SLC30A10: variants seen among roughly 807,000 people sequenced by gnomAD.
SLC30A10 encodes the protein solute carrier family 30 member 10.
A neutral mutation model predicts 21.7 loss-of-function variants in SLC30A10; 8 were observed. The ratio of observed to expected loss-of-function variants is 0.37; its 90% confidence interval spans 0.22 to 0.67. The LOEUF (loss-of-function observed/expected upper bound fraction) is 0.67, where lower values mean the gene tolerates loss of function less well. Ranked by LOEUF, SLC30A10 falls within the 30% of genes least tolerant of loss-of-function variation. SLC30A10 has a pLI of 0.58. For synonymous variants in SLC30A10, 272 were observed against 279.4 expected (o/e 0.97, Z 0.26); for missense variants, 521 against 642.5 (o/e 0.81, Z 2.04).
At chr1:219,916,176 G>A (rs1294437856) in intron 3 of SLC30A10, among the ~76,000 whole-genome samples, 1 of 152,068 alleles carries the variant, frequency 6.6e-6, no homozygotes, top group Non-Finnish European at 1.5e-5. Context: ...GTCTAACAAC[G>A]ACAAGAAAAA....
chr1:219,949,222 A>G (rs1213423322), intron 1 of SLC30A10, among the ~76,000 whole-genome samples: 1 of 152,212 alleles, frequency 6.6e-6, no homozygotes, highest in Non-Finnish European at 1.5e-5. Context: ...ATCTAGAACT[A>G]GAAATACCAT....
chr1:219,941,225 A>G (rs1571810127), intron 1 of SLC30A10, among the ~76,000 whole-genome samples: 1 of 152,230 alleles, frequency 6.6e-6, no homozygotes, highest in South Asian at 2.1e-4. Context: ...CTGTGGAAAG[A>G]TAATGTTTGG....
rs1295208371 is a variant in SLC30A10, at chr1:219,922,185, T to G, written c.719-3691A>C. On this transcript the variant is annotated intron_variant, in intron 2 of 3. Coordinates refer to ENST00000366926, the MANE Select transcript of SLC30A10 (RefSeq NM_018713.3). The stretch of plus-strand genomic sequence containing the variant: ...GTGTGTGTGTGTGTGTGTTTTTTTT[T>G]TTTTTTTTTTTTTTTTTTTTTTTTT... Among the ~76,000 whole-genome samples, 75 of 8,916 alleles carry G rather than the reference T, an allele frequency of 8.4e-3. 1 individual carries two copies. Among genetic ancestry groups the G allele is most frequent in the African/African-American group, 0.024 (40 of 1,646 alleles). The allele number at this position is 8,916 out of a possible 152,430, so 5.8% of individuals were successfully genotyped here.
At chr1:219,922,432 G>A (rs926313549) in intron 2 of SLC30A10, among the ~76,000 whole-genome samples, 1 of 151,944 alleles carries the variant, frequency 6.6e-6, no homozygotes, top group Non-Finnish European at 1.5e-5. Flanking sequence ...GGACTCTGGA[G>A]AGGAGACAGA....
intron 2 of SLC30A10, among the ~76,000 whole-genome samples, chr1:219,921,780 A>G (rs186030665): frequency 8.5e-5 from 13 of 152,226 alleles, no homozygotes; most frequent in Admixed American, 6.5e-4. Flanking sequence ...TAATAATGCA[A>G]TGTATCTTCT....
chr1:219,936,503 A>C (rs1329830299), intron 1 of SLC30A10, among the ~76,000 whole-genome samples: 1 of 152,144 alleles, frequency 6.6e-6, no homozygotes, highest in East Asian at 1.9e-4. Flanking sequence ...AGAGGTAGGC[A>C]CGTACACCAA....
At position 219,928,001 on chromosome 1, in the gene SLC30A10, C is replaced by T; in HGVS notation, c.440G>A (p.Gly147Glu). ...CAAWFACCLR[G>E]RSRRLQQRQQ... ...CCGCTGCTGCAGGCGGCGACTGCGT[C>T]CCCGGAGGCAGCACGCGAACCAGGC... Residue 147 changes from glycine to glutamate, a missense_variant, in exon 1 of 4, where the codon GGA becomes GAA. Coordinates refer to ENST00000366926, the MANE Select transcript of SLC30A10 (RefSeq NM_018713.3). The surrounding 1 kb of genome is among the most constrained non-coding windows in gnomAD (Gnocchi z 6.3). The T allele has an allele frequency of 1.9e-6, 3 of 1,559,720 alleles. No homozygotes were observed. The highest frequency in any genetic ancestry group is 2.4e-5 in the East Asian group (1 of 41,010).
intron 1 of SLC30A10, among the ~76,000 whole-genome samples, chr1:219,942,341 A>G (rs1660133659): frequency 6.6e-6 from 1 of 152,222 alleles, no homozygotes; most frequent in Non-Finnish European, 1.5e-5. Flanking sequence ...ACTGAGATCG[A>G]TGCGAGATGG....
chr1:219,929,222 C>G (rs1659927066), upstream of SLC30A10, among the ~76,000 whole-genome samples: 1 of 152,228 alleles, frequency 6.6e-6, no homozygotes, highest in African/African-American at 2.4e-5. Flanking sequence ...AGATCGTCCC[C>G]GTTCCCCTTC....
At chr1:219,940,204 A>G (rs972357481) in intron 1 of SLC30A10, among the ~76,000 whole-genome samples, 1 of 152,164 alleles carries the variant, frequency 6.6e-6, no homozygotes, top group Non-Finnish European at 1.5e-5. Flanking sequence ...ACCACACCCA[A>G]TGTCCTGAGA....
upstream of SLC30A10, among the ~76,000 whole-genome samples, chr1:219,929,998 T>C (rs1472837830): frequency 1.3e-5 from 2 of 152,218 alleles, no homozygotes; most frequent in African/African-American, 2.4e-5. Flanking sequence ...TGTTGGTTTC[T>C]TTTGTTGTCT....
At chr1:219,946,426 C>T (rs1321769178) in intron 1 of SLC30A10, among the ~76,000 whole-genome samples, 1 of 152,162 alleles carries the variant, frequency 6.6e-6, no homozygotes, top group Non-Finnish European at 1.5e-5. Context: ...ATAAACTGTT[C>T]ATCTAGTCCT....
intron 2 of SLC30A10, among the ~76,000 whole-genome samples, chr1:219,925,951 G>A (rs1262654514): frequency 4.6e-5 from 7 of 151,640 alleles, no homozygotes; most frequent in East Asian, 3.9e-4. Context: ...GTGAGCCACC[G>A]CGCCCACCCC....
intron 1 of SLC30A10, among the ~76,000 whole-genome samples, chr1:219,936,178 A>G (rs1254693274): frequency 6.6e-6 from 1 of 152,234 alleles, no homozygotes; most frequent in African/African-American, 2.4e-5. Flanking sequence ...TGGACCAGTT[A>G]CAGAATTTCT....
chr1:219,917,060 T>C (rs866712534), intron 3 of SLC30A10, among the ~76,000 whole-genome samples: 1 of 147,666 alleles, frequency 6.8e-6, no homozygotes, highest in Middle Eastern at 3.5e-3. Flanking sequence ...AGCCTCAAAC[T>C]CCAGGGCTCC....
intron 2 of SLC30A10, among the ~76,000 whole-genome samples, chr1:219,926,347 A>T (rs1238038229): frequency 6.6e-6 from 1 of 152,230 alleles, no homozygotes; most frequent in Non-Finnish European, 1.5e-5. Flanking sequence ...ATTGGGGATT[A>T]ACCCCTTCTG....
chr1:219,928,510 G>C lies in SLC30A10; in HGVS notation c.-70C>G, dbSNP rs886046005. ...GCCCACCCCGCGCGCAGCCACAGGT[G>C]GGGGGCGCGGCGCGGATCCGTGAGG... On this transcript the variant is annotated 5_prime_UTR_variant, in exon 1 of 4. Transcript: ENST00000366926. The surrounding 1 kb of genome is among the most constrained non-coding windows in gnomAD (Gnocchi z 6.3). The C allele has an allele frequency of 2.6e-5, 36 of 1,381,278 alleles. No individual in the cohort carries two copies. Among genetic ancestry groups the C allele is most frequent in the African/African-American group, 1.1e-4 (7 of 65,100 alleles). The allele number at this position is 1,381,278 out of a possible 1,614,324, so 85.6% of individuals were successfully genotyped here. A position where few individuals can be genotyped will look rare whatever the true frequency, so the allele number is the denominator to read the frequency against.
In SLC30A10 at chr1:219,953,716, T is replaced by G. The variant is rs574043639; in HGVS notation, n.80+4852A>C. Among the ~76,000 whole-genome samples, 3 of 133,618 alleles carry G rather than the reference T, an allele frequency of 2.2e-5. No homozygotes were observed. In the East Asian group the frequency reaches 6.8e-4, roughly 30 times the overall value. The allele number at this position is 133,618 out of a possible 152,430, so 87.7% of individuals were successfully genotyped here. A position where few individuals can be genotyped will look rare whatever the true frequency, so the allele number is the denominator to read the frequency against. On this transcript the variant is annotated intron_variant and non_coding_transcript_variant, in intron 1 of 8. Transcript: ENST00000484239. ...TTTATTTTATTTTATTTTATTTTATTTTATTTTTGAGACTGAGTCTTGCTC... is the reference window on the plus strand; with the variant it reads ...TTTATTTTATTTTATTTTATTTTATGTTATTTTTGAGACTGAGTCTTGCTC...
At chr1:219,936,254 A>G (rs1391564) in intron 1 of SLC30A10, among the ~76,000 whole-genome samples, 9,121 of 152,276 alleles carry the variant, frequency 0.06, 911 homozygotes, top group African/African-American at 0.21. Flanking sequence ...TATCTAGTTG[A>G]TTTGAATATC....
Sources: allele counts gnomAD v4.1 joint callset (sites outside exome capture counted in the v4.1 genomes callset), GRCh38; gene constraint gnomAD v4.1.1; non-coding constraint Gnocchi (gnomAD v3.1); transcripts MANE v1.5; gene names NCBI Gene and HGNC (gene_info 2026-07-23, HGNC 2026-07-21).